Variants in ST6GALNAC5 observed in about 807,000 individuals in gnomAD.
The protein encoded by ST6GALNAC5 is alpha-N-acetylgalactosaminide alpha-2,6-sialyltransferase 5.
In ST6GALNAC5, 27 loss-of-function variants were observed where a neutral mutation model predicts 33.6. The ratio of observed to expected loss-of-function variants is 0.80; its 90% confidence interval spans 0.59 to 1.11. The LOEUF is 1.11. ST6GALNAC5 is among the 50% of genes least tolerant of loss of function. ST6GALNAC5 has a pLI of 0.00. For synonymous variants in ST6GALNAC5, 194 were observed against 171.2 expected, an observed-to-expected ratio of 1.13 and a Z score of -1.04; for missense variants, 428 against 454.0, an observed-to-expected ratio of 0.94 and a Z score of 0.52.
chr1:76,972,115 C>T (rs1461198785), intron 2 of ST6GALNAC5, among the ~76,000 whole-genome samples: 1 of 152,162 alleles, frequency 6.6e-6, no homozygotes. Flanking sequence ...GTTTAAGTGA[C>T]TCACAGTTCC....
chr1:76,942,656 C>T (rs776710855), intron 2 of ST6GALNAC5, among the ~76,000 whole-genome samples: 6 of 152,108 alleles, frequency 3.9e-5, no homozygotes, highest in Non-Finnish European at 8.8e-5. Context: ...CCCAAGATCT[C>T]TTCAGGATCT....
intron 2 of ST6GALNAC5, among the ~76,000 whole-genome samples, chr1:76,909,630 A>T (rs571009164): frequency 6.6e-6 from 1 of 152,242 alleles, no homozygotes; most frequent in East Asian, 1.9e-4. Flanking sequence ...CAACTTTTAT[A>T]TTAAGAATAT....
intron 2 of ST6GALNAC5, among the ~76,000 whole-genome samples, chr1:77,031,946 A>C (rs1183652889): frequency 1.3e-5 from 2 of 152,244 alleles, no homozygotes; most frequent in Non-Finnish European, 2.9e-5. Flanking sequence ...AGGGTGCTTC[A>C]GTAGTCTTGG....
intron 2 of ST6GALNAC5, among the ~76,000 whole-genome samples, chr1:76,956,785 T>C (rs1205156596): frequency 6.6e-6 from 1 of 152,146 alleles, no homozygotes; most frequent in Non-Finnish European, 1.5e-5. Context: ...TTTTACACAG[T>C]AACCAAAGTC....
chr1:76,962,760 C>A (rs1374430326), intron 2 of ST6GALNAC5, among the ~76,000 whole-genome samples: 1 of 152,030 alleles, frequency 6.6e-6, no homozygotes, highest in African/African-American at 2.4e-5. Context: ...TCTTTTAAAC[C>A]AAAATACTAC....
chr1:76,975,123 C>T (rs893217307), intron 2 of ST6GALNAC5, among the ~76,000 whole-genome samples: 9 of 151,790 alleles, frequency 5.9e-5, no homozygotes, highest in Admixed American at 1.3e-4. Flanking sequence ...AAGTCTAGTA[C>T]GTTATTAAAT....
intron 2 of ST6GALNAC5, among the ~76,000 whole-genome samples, chr1:76,886,383 T>A (rs1388441280): frequency 6.6e-6 from 1 of 152,180 alleles, no homozygotes; most frequent in African/African-American, 2.4e-5. Flanking sequence ...TATATCTTGA[T>A]TTTGGTGTAA....
chr1:76,974,097 T>C (rs1262292679), intron 2 of ST6GALNAC5, among the ~76,000 whole-genome samples: 1 of 152,138 alleles, frequency 6.6e-6, no homozygotes. Flanking sequence ...GTGTTTCTAT[T>C]AGATTCAAAT....
intron 2 of ST6GALNAC5, among the ~76,000 whole-genome samples, chr1:76,953,963 A>G (rs1214091885): frequency 1.3e-5 from 2 of 152,154 alleles, no homozygotes; most frequent in Non-Finnish European, 2.9e-5. Context: ...TAAGTTTTAA[A>G]AATAATGCTT....
chr1:77,012,816 G>GA (rs1268210933), intron 2 of ST6GALNAC5, among the ~76,000 whole-genome samples: 2 of 152,026 alleles, frequency 1.3e-5, no homozygotes, highest in Non-Finnish European at 2.9e-5. Context: ...CAGGAATGAA[G>GA]AAAAAAATGG....
At chr1:76,921,130 G>T (rs1432549467) in intron 2 of ST6GALNAC5, among the ~76,000 whole-genome samples, 1 of 152,110 alleles carries the variant, frequency 6.6e-6, no homozygotes, top group Admixed American at 6.6e-5. Flanking sequence ...CTAAGGCATA[G>T]CTTGAAGATG....
At chr1:77,039,158 G>A (rs1017307784) in intron 2 of ST6GALNAC5, among the ~76,000 whole-genome samples, 3 of 152,178 alleles carry the variant, frequency 2.0e-5, no homozygotes, top group African/African-American at 7.2e-5. Flanking sequence ...TGGCTTCTGG[G>A]GGCCTGGGCT....
intron 2 of ST6GALNAC5, among the ~76,000 whole-genome samples, chr1:76,900,120 G>A (rs536555311): frequency 6.6e-6 from 1 of 152,132 alleles, no homozygotes; most frequent in Non-Finnish European, 1.5e-5. Context: ...TAGGATTTGG[G>A]TAGATAAAGG....
At chr1:76,872,319 A>G (rs1485224724) in intron 2 of ST6GALNAC5, among the ~76,000 whole-genome samples, 1 of 152,154 alleles carries the variant, frequency 6.6e-6, no homozygotes, top group Non-Finnish European at 1.5e-5. Flanking sequence ...CAGAAGGCCC[A>G]CTATCACCCA....
intron 2 of ST6GALNAC5, among the ~76,000 whole-genome samples, chr1:76,910,360 T>TGGCAA (rs1646898870): frequency 3.9e-5 from 6 of 152,100 alleles, no homozygotes. Context: ...CTGCAGTGGT[T>TGGCAA]AAAGATGTGT....
chr1:76,977,144 T>C (rs1283933083), intron 2 of ST6GALNAC5, among the ~76,000 whole-genome samples: 13 of 152,226 alleles, frequency 8.5e-5, no homozygotes, highest in Non-Finnish European at 1.6e-4. Flanking sequence ...TTAATACATT[T>C]CTTTCCACTT....
intron 2 of ST6GALNAC5, among the ~76,000 whole-genome samples, chr1:76,895,799 G>T (rs1447693765): frequency 6.6e-6 from 1 of 152,004 alleles, no homozygotes; most frequent in African/African-American, 2.4e-5. Flanking sequence ...CAAGTTTTTT[G>T]GGGGCACAGT....
At chr1:76,961,661 C>T (rs1238615777) in intron 2 of ST6GALNAC5, among the ~76,000 whole-genome samples, 1 of 152,176 alleles carries the variant, frequency 6.6e-6, no homozygotes, top group African/African-American at 2.4e-5. Flanking sequence ...TTCCCACTCC[C>T]TTGAATGCAG....
intron 2 of ST6GALNAC5, among the ~76,000 whole-genome samples, chr1:76,890,761 A>G (rs1191784730): frequency 6.6e-6 from 1 of 152,108 alleles, no homozygotes; most frequent in Non-Finnish European, 1.5e-5. Flanking sequence ...AAGAATAAAA[A>G]ATTTTAGAAT....
Sources: gnomAD v4.1 joint callset for allele counts (sites outside exome capture counted in the v4.1 genomes callset) on GRCh38, gnomAD v4.1.1 for gene constraint, MANE v1.5 for transcripts, NCBI Gene and HGNC (gene_info 2026-07-23, HGNC 2026-07-21) for gene names.